Variants in KTN1 observed in about 807,000 individuals in gnomAD.
The protein encoded by KTN1 is kinectin 1, also known as kinectin.
In KTN1, 130 loss-of-function variants were observed where a neutral mutation model predicts 222.5. That is an observed-to-expected ratio of 0.58 (90% CI 0.51 to 0.68). The LOEUF (loss-of-function observed/expected upper bound fraction) is 0.68. Among genes scored for constraint, KTN1 ranks in the 30% least tolerant of loss-of-function variants. The pLI is 0.00. For synonymous variants in KTN1, 512 were observed against 496.3 expected, an observed-to-expected ratio of 1.03 and a Z score of -0.42; for missense variants, 1,508 against 1,500.4, an observed-to-expected ratio of 1.01 and a Z score of -0.08.
At chr14:55,611,746 T>A (rs957841908) in intron 1 of KTN1, among the ~76,000 whole-genome samples, 1 of 152,188 alleles carries the variant, frequency 6.6e-6, no homozygotes, top group African/African-American at 2.4e-5. Flanking sequence ...AATATTTAAA[T>A]TTTTTCTCTT....
chr14:55,589,665 T>TTA (rs2033735641), intron 1 of KTN1, among the ~76,000 whole-genome samples: 1 of 142,664 alleles, frequency 7.0e-6, no homozygotes, highest in South Asian at 2.4e-4. Context: ...TCTTTTTTTT[T>TTA]TTTTTTTTTT....
intron 18 of KTN1, among the ~76,000 whole-genome samples, chr14:55,646,460 T>TTTTCCTCTCCTTTCC: frequency 2.0e-5 from 1 of 48,958 alleles, no homozygotes; most frequent in African/African-American, 7.6e-5. Context: ...TTCCTTTTCC[T>TTTTCCTCTCCTTTCC]TTTCCTTTCC....
At chr14:55,633,463 A>G (rs559124671) in intron 8 of KTN1, 122 bp downstream of exon 8, 6 of 537,578 alleles carry the variant, frequency 1.1e-5, no homozygotes, top group Admixed American at 3.9e-5. Context: ...TGTTTCTAAA[A>G]TGAGTTACTT....
intron 32 of KTN1, 24 bp from the exon 33 acceptor site, chr14:55,663,931 A>G (rs778896365): frequency 6.4e-7 from 1 of 1,563,238 alleles, no homozygotes; most frequent in Admixed American, 1.7e-5. Context: ...ATAAACTGAA[A>G]TCATTCTTTC....
intron 2 of KTN1, among the ~76,000 whole-genome samples, chr14:55,613,568 A>G (rs2037915104): frequency 6.8e-6 from 1 of 147,278 alleles, no homozygotes; most frequent in South Asian, 2.1e-4. Context: ...ATCTTGGCTC[A>G]GTGTGTCCTC....
At chr14:55,655,240 A>T (rs901634683) in intron 28 of KTN1, among the ~76,000 whole-genome samples, 1 of 152,178 alleles carries the variant, frequency 6.6e-6, no homozygotes, top group African/African-American at 2.4e-5. Flanking sequence ...TGGCCTCCCA[A>T]AATGCTGGGA....
intron 1 of KTN1, among the ~76,000 whole-genome samples, chr14:55,599,243 T>G (rs2035569706): frequency 6.6e-6 from 1 of 152,200 alleles, no homozygotes; most frequent in South Asian, 2.1e-4. Context: ...AATTTTTGTT[T>G]TAATAGTCTT....
intron 5 of KTN1, among the ~76,000 whole-genome samples, chr14:55,625,061 T>G (rs1364362273): frequency 6.6e-6 from 1 of 152,110 alleles, no homozygotes; most frequent in Non-Finnish European, 1.5e-5. Flanking sequence ...GTATTCGAGT[T>G]ATGAGGCACT....
At chr14:55,660,353 C>A (rs1283214362) in intron 31 of KTN1, among the ~76,000 whole-genome samples, 1 of 149,346 alleles carries the variant, frequency 6.7e-6, no homozygotes, top group Non-Finnish European at 1.5e-5. Flanking sequence ...AAAAAAAATA[C>A]ATACATATAG....
At position 55,679,620 on chromosome 14, in the gene KTN1, T is replaced by TA. The variant is rs760393110; in HGVS notation, c.4005dup (p.Gln1336ThrfsTer25). 1 of 1,612,568 alleles carries TA rather than the reference T, an allele frequency of 6.2e-7. No homozygotes were observed. Among genetic ancestry groups the TA allele is most frequent in the African/African-American group, 1.3e-5 (1 of 74,920 alleles). ...AGTCTAAATCAGACTGTAACACAGT[T>TA]ACAGCAGTTGCTTCAGGCGGTAAAC... is the stretch of plus-strand genomic sequence containing the variant. On this transcript the variant is annotated frameshift_variant, in exon 43 of 44. Coordinates refer to ENST00000395314, the MANE Select transcript of KTN1 (RefSeq NM_001079521.2). LOFTEE classifies it high-confidence loss of function.
At chr14:55,620,701 A>G (rs938861523) in intron 5 of KTN1, among the ~76,000 whole-genome samples, 1 of 152,150 alleles carries the variant, frequency 6.6e-6, no homozygotes, top group African/African-American at 2.4e-5. Context: ...TCCCTAGGCT[A>G]CATACAGCAG....
At chr14:55,627,033 T>C (rs1480429226) in intron 5 of KTN1, among the ~76,000 whole-genome samples, 3 of 152,198 alleles carry the variant, frequency 2.0e-5, no homozygotes, top group East Asian at 3.8e-4. Context: ...TCTGTAGCCA[T>C]GGGTATATTC....
chr14:55,620,563 C>T (rs1472866254), intron 5 of KTN1, among the ~76,000 whole-genome samples: 4 of 152,204 alleles, frequency 2.6e-5, no homozygotes, highest in Non-Finnish European at 5.9e-5. Flanking sequence ...GACTTCTGTG[C>T]ACCCACAGGT....
chr14:55,641,234 G>A, intron 17 of KTN1, 26 bp downstream of exon 17: 1 of 1,374,082 alleles, frequency 7.3e-7, no homozygotes, highest in South Asian at 1.3e-5. Flanking sequence ...TGTACACTCA[G>A]GTTTCTTAGA....
chr14:55,647,056 A>G (rs376484124), intron 19 of KTN1, 49 bp downstream of exon 19: 53 of 1,061,908 alleles, frequency 5.0e-5, no homozygotes, highest in Non-Finnish European at 6.8e-5. Flanking sequence ...CTTCTACCAA[A>G]TTAACTACAT....
intron 9 of KTN1, 23 bp from the exon 10 acceptor site, chr14:55,636,426 T>G: frequency 6.4e-7 from 1 of 1,559,872 alleles, no homozygotes; most frequent in Non-Finnish European, 8.8e-7. Flanking sequence ...TAATTTATCC[T>G]TTCTCCCTTT....
intron 40 of KTN1, 81 bp from the exon 41 acceptor site, chr14:55,675,754 C>A: frequency 1.1e-6 from 1 of 884,286 alleles, no homozygotes; most frequent in Non-Finnish European, 1.8e-6. Context: ...CAGTCCCATT[C>A]ATTCTTCAGT....
At chr14:55,623,145 C>G (rs980129267) in intron 5 of KTN1, among the ~76,000 whole-genome samples, 2 of 152,264 alleles carry the variant, frequency 1.3e-5, no homozygotes, top group Non-Finnish European at 2.9e-5. Context: ...TTCTTTCTTA[C>G]AACCGTCTGG....
At chr14:55,623,470 C>G (rs2039416303) in intron 5 of KTN1, among the ~76,000 whole-genome samples, 1 of 152,234 alleles carries the variant, frequency 6.6e-6, no homozygotes, top group South Asian at 2.1e-4. Flanking sequence ...GCCTTCAACT[C>G]TCGGGCTCAA....
Sources: allele counts gnomAD v4.1 joint callset (sites outside exome capture counted in the v4.1 genomes callset), GRCh38; gene constraint gnomAD v4.1.1; transcripts MANE v1.5; gene names NCBI Gene and HGNC (gene_info 2026-07-23, HGNC 2026-07-21).